The following QTMAN variants were observed in gnomAD, a reference collection of about 807,000 sequenced individuals.
QTMAN encodes the protein tRNA-queuosine alpha-mannosyltransferase.
chr2:144,272,055 C>A, the QTMAN span, among the ~76,000 whole-genome samples: 3,121 of 152,142 alleles, frequency 0.021, 46 homozygotes, highest in Middle Eastern at 0.037. Flanking sequence ...TCCATAAGCC[C>A]ACAGGCTGTG....
chr2:143,942,220 G>C, the QTMAN span: 1 of 167,110 alleles, frequency 6.0e-6, no homozygotes, highest in East Asian at 1.9e-4. Flanking sequence ...GGTTGGGAGA[G>C]GATAAGGAAT....
chr2:144,037,142 GC>G, the QTMAN span, among the ~76,000 whole-genome samples: 1 of 152,168 alleles, frequency 6.6e-6, no homozygotes, highest in Non-Finnish European at 1.5e-5. Context: ...TAATAGGTAA[GC>G]AGTTTTCCTT....
chr2:144,247,371 A>G, the QTMAN span, among the ~76,000 whole-genome samples: 1 of 152,252 alleles, frequency 6.6e-6, no homozygotes, highest in Non-Finnish European at 1.5e-5. Flanking sequence ...TGAAATACGA[A>G]AAGTCAGAAG....
chr2:144,290,457 A>G, the QTMAN span, among the ~76,000 whole-genome samples: 1 of 152,170 alleles, frequency 6.6e-6, no homozygotes, highest in Non-Finnish European at 1.5e-5. Context: ...TCTCTACCTT[A>G]TCCCCATTGT....
chr2:144,211,819 C>T, the QTMAN span, among the ~76,000 whole-genome samples: 1 of 152,060 alleles, frequency 6.6e-6, no homozygotes, highest in Non-Finnish European at 1.5e-5. Context: ...AGGGAATATA[C>T]TAGTTGCCCA....
chr2:144,007,384 G>A, the QTMAN span: 1 of 1,613,294 alleles, frequency 6.2e-7, no homozygotes, highest in Non-Finnish European at 8.5e-7. Context: ...AGGCCACAGT[G>A]TGTATCACAC....
chr2:144,147,307 CCTGT>C, the QTMAN span, among the ~76,000 whole-genome samples: 15 of 151,274 alleles, frequency 9.9e-5, no homozygotes, highest in East Asian at 3.9e-4. Context: ...ATTTTTTAAA[CCTGT>C]CTGTCTATAC....
the QTMAN span, among the ~76,000 whole-genome samples, chr2:143,999,529 C>T: frequency 6.6e-6 from 1 of 151,862 alleles, no homozygotes; most frequent in Admixed American, 6.6e-5. Flanking sequence ...TATTTAAATT[C>T]ACACACAATC....
the QTMAN span, among the ~76,000 whole-genome samples, chr2:144,214,944 T>C: frequency 7.2e-5 from 11 of 152,174 alleles, no homozygotes; most frequent in Admixed American, 5.9e-4. Context: ...AACTTTCTGC[T>C]TAAAAGTATC....
chr2:144,328,152 T>C, the QTMAN span, among the ~76,000 whole-genome samples: 1 of 152,180 alleles, frequency 6.6e-6, no homozygotes, highest in Non-Finnish European at 1.5e-5. Context: ...GGTTTCACCA[T>C]GTTGGCCATG....
At chr2:144,245,395 A>T in the QTMAN span, among the ~76,000 whole-genome samples, 1 of 152,168 alleles carries the variant, frequency 6.6e-6, no homozygotes, top group Non-Finnish European at 1.5e-5. Flanking sequence ...CTCTGTTTGT[A>T]ATGTTGAAAA....
At chr2:144,276,870 T>C in the QTMAN span, among the ~76,000 whole-genome samples, 1 of 152,198 alleles carries the variant, frequency 6.6e-6, no homozygotes, top group Non-Finnish European at 1.5e-5. Flanking sequence ...TTCATACACT[T>C]ACAGAACTTT....
At chr2:144,050,064 A>G in the QTMAN span, among the ~76,000 whole-genome samples, 1 of 152,194 alleles carries the variant, frequency 6.6e-6, no homozygotes, top group South Asian at 2.1e-4. Flanking sequence ...TTATTATCAA[A>G]TAATAATACC....
the QTMAN span, among the ~76,000 whole-genome samples, chr2:144,293,940 G>A: frequency 6.6e-6 from 1 of 152,054 alleles, no homozygotes; most frequent in Admixed American, 6.6e-5. Context: ...CTACACAATG[G>A]CTCTATTTTA....
the QTMAN span, among the ~76,000 whole-genome samples, chr2:144,119,046 A>T: frequency 1.3e-5 from 2 of 152,192 alleles, no homozygotes; most frequent in Non-Finnish European, 2.9e-5. Context: ...TACACTAGGT[A>T]AGAATCTTAA....
chr2:144,010,062 C>CAAAA, the QTMAN span, among the ~76,000 whole-genome samples: 2 of 74,876 alleles, frequency 2.7e-5, no homozygotes, highest in Non-Finnish European at 3.0e-5. Context: ...AAGGATTCAC[C>CAAAA]AAAAAAAAAA....
chr2:144,230,937 A>T, the QTMAN span, among the ~76,000 whole-genome samples: 1 of 152,188 alleles, frequency 6.6e-6, no homozygotes. Flanking sequence ...CAGCAGCTTA[A>T]AATATGCAGT....
the QTMAN span, among the ~76,000 whole-genome samples, chr2:144,093,219 A>G: frequency 6.6e-6 from 1 of 152,210 alleles, no homozygotes; most frequent in African/African-American, 2.4e-5. Flanking sequence ...AAGTTCTAAG[A>G]TGAAGGAATA....
chr2:144,024,706 T>C, the QTMAN span, among the ~76,000 whole-genome samples: 8 of 152,312 alleles, frequency 5.3e-5, no homozygotes, highest in East Asian at 5.8e-4. Context: ...ATTAGATATA[T>C]TGAATTTGTT....
Sources: gnomAD v4.1 joint callset for allele counts (sites outside exome capture counted in the v4.1 genomes callset) on GRCh38, gnomAD v4.1.1 for gene constraint, MANE v1.5 for transcripts, NCBI Gene and HGNC (gene_info 2026-07-23, HGNC 2026-07-21) for gene names.